OSBPL3: variants seen among roughly 807,000 people sequenced by gnomAD.
OSBPL3 encodes oxysterol binding protein like 3.
A neutral mutation model predicts 120.1 loss-of-function variants in OSBPL3; 65 were observed. The ratio of observed to expected loss-of-function variants is 0.54; its 90% confidence interval spans 0.44 to 0.67. The LOEUF (loss-of-function observed/expected upper bound fraction) is 0.67. Among genes scored for constraint, OSBPL3 ranks in the 30% least tolerant of loss-of-function variants. The pLI is 0.00. For synonymous variants in OSBPL3, 416 were observed against 402.6 expected (o/e 1.03, Z -0.40); for missense variants, 1,004 against 1,082.1 (o/e 0.93, Z 1.01).
At chr7:24,931,381 C>G (rs1221871152) in intron 1 of OSBPL3, among the ~76,000 whole-genome samples, 2 of 152,096 alleles carry the variant, frequency 1.3e-5, no homozygotes, top group African/African-American at 4.8e-5. Context: ...AGGGACTTCT[C>G]AGATATGATG....
At chr7:24,845,289 T>C (rs551979069) in intron 12 of OSBPL3, among the ~76,000 whole-genome samples, 2 of 148,820 alleles carry the variant, frequency 1.3e-5, no homozygotes, top group Non-Finnish European at 3.0e-5. Flanking sequence ...CTTGTAGAGA[T>C]GTTATTCTAG....
intron 1 of OSBPL3, among the ~76,000 whole-genome samples, chr7:24,977,336 G>C (rs1441169639): frequency 6.6e-6 from 1 of 152,130 alleles, no homozygotes; most frequent in Non-Finnish European, 1.5e-5. Flanking sequence ...CTTGATATCA[G>C]CACCAGAAAG....
At chr7:24,904,684 TC>T (rs1807597139) in intron 1 of OSBPL3, among the ~76,000 whole-genome samples, 1 of 151,744 alleles carries the variant, frequency 6.6e-6, no homozygotes, top group Non-Finnish European at 1.5e-5. Flanking sequence ...ACTAAAGAAA[TC>T]TTACAATGGG....
In OSBPL3 at chr7:24,865,347, G is replaced by C. The variant is rs1801157042; in HGVS notation, c.668C>G (p.Ser223Cys). 1 of 1,613,848 alleles carries C rather than the reference G, an allele frequency of 6.2e-7. No homozygotes were observed. The highest frequency in any genetic ancestry group is 8.5e-7 in the Non-Finnish European group (1 of 1,179,866). ...LQSSEDMEKCSKDLAHCHAYL... is the reference protein window; with the variant it reads ...LQSSEDMEKCCKDLAHCHAYL... ...GACGTTTCAAGTCACTCTACCTTTGGAGCATTTTTCCATGTCCTCTGAAGA... is the reference window on the plus strand; with the variant it reads ...GACGTTTCAAGTCACTCTACCTTTGCAGCATTTTTCCATGTCCTCTGAAGA... The change falls in exon 7 of 23, where the codon TCC becomes TGC. Residue 223 changes from serine (S) to cysteine (C), a missense_variant. This residue lies in a region of OSBPL3 where 4 missense variants were observed against 16.7 expected (regional missense o/e 0.24). Transcript: ENST00000313367.
chr7:24,979,438 A>G (rs1241956455), intron 1 of OSBPL3, among the ~76,000 whole-genome samples: 2 of 151,952 alleles, frequency 1.3e-5, no homozygotes, highest in Non-Finnish European at 2.9e-5. Flanking sequence ...CTGCCCCGCG[A>G]GCGTTGTCTC....
rs12538574 is a variant in OSBPL3, at chr7:24,955,096, T to C, written c.-150+24790A>G. 0.023 allele frequency among the ~76,000 whole-genome samples: 3,527 copies of C among 152,348 alleles called. 46 individuals carry two copies. Among genetic ancestry groups the C allele is most frequent in the Middle Eastern group, 0.048 (14 of 294 alleles). On this transcript the variant is annotated intron_variant, in intron 1 of 22. Transcript: ENST00000313367. The surrounding 1 kb of genome is among the most constrained non-coding windows in gnomAD (Gnocchi z 4.3). ...GGAGTTAGCCTTATCTCAAGTTTCA[T>C]GAAAGCAGGGATTTTCTTTTGTTCA... is the stretch of plus-strand genomic sequence containing the variant.
chr7:24,865,534 G>A, intron 6 of OSBPL3, 69 bp from the exon 7 acceptor site: 1 of 1,498,532 alleles, frequency 6.7e-7, no homozygotes, highest in Non-Finnish European at 9.2e-7. Context: ...TTAAGACAAA[G>A]GATAACAGAG....
intron 1 of OSBPL3, among the ~76,000 whole-genome samples, chr7:24,978,509 G>A (rs1291831987): frequency 1.3e-5 from 2 of 152,134 alleles, no homozygotes; most frequent in African/African-American, 4.8e-5. Flanking sequence ...AACAGCAAAC[G>A]GGTGATGTGG....
chr7:24,824,057 T>C lies in OSBPL3; in HGVS notation c.1885-3819A>G, dbSNP rs1437306744. Among the ~76,000 whole-genome samples, 1 of 152,182 alleles carries C rather than the reference T, an allele frequency of 6.6e-6. No homozygotes were observed. The highest frequency in any genetic ancestry group is 1.5e-5 in the Non-Finnish European group (1 of 68,042). On this transcript the variant is annotated intron_variant, in intron 16 of 22. Transcript: ENST00000313367. The surrounding 1 kb of genome is among the most constrained non-coding windows in gnomAD (Gnocchi z 4.9). ...GTTAGCCTGTTGAATAAACCCAATT[T>C]AGACTTTTTTTTTAAGCATTCTTCC...
chr7:24,816,589 A>G, intron 18 of OSBPL3, 21 bp downstream of exon 18: 1 of 1,572,528 alleles, frequency 6.4e-7, no homozygotes. Flanking sequence ...AAAGCTCCTT[A>G]ACCACAGAAG....
chr7:24,816,755 T>C, intron 17 of OSBPL3, 67 bp from the exon 18 acceptor site: 1 of 991,432 alleles, frequency 1.0e-6, no homozygotes, highest in East Asian at 2.4e-5. Context: ...GTTCCTAGGC[T>C]AGATAAATGA....
rs1369397390 is a variant in OSBPL3, at chr7:24,867,452, CT to C, written c.382-1216del. 3.9e-5 allele frequency among the ~76,000 whole-genome samples: 6 copies of C among 152,152 alleles called. No individual in the cohort carries two copies. The highest frequency in any genetic ancestry group is 1.4e-4 in the African/African-American group (6 of 41,434). On this transcript the variant is annotated intron_variant, in intron 5 of 22. Transcript: ENST00000313367. This position sits in a 1 kb window ranked among gnomAD's most constrained non-coding sequence, Gnocchi z 4.5. Reference sequence around the variant, plus strand: ...AATTCCCACATTTTGTGGGAGGGACCTGGTCAGTGAGAGGTAACTGGATCAT... The same window carrying C: ...AATTCCCACATTTTGTGGGAGGGACCGGTCAGTGAGAGGTAACTGGATCAT...
rs540430874 is a variant in OSBPL3, at chr7:24,800,413, G to A, written c.2568-134C>T. The A allele has an allele frequency of 9.4e-6, 5 of 529,746 alleles. No individual in the cohort carries two copies. In the Admixed American group the frequency reaches 1.0e-4, roughly 11 times the overall value. The allele number at this position is 529,746 out of a possible 1,614,324, so 32.8% of individuals were successfully genotyped here. On this transcript the variant is annotated intron_variant, in intron 22 of 22. Coordinates refer to ENST00000313367, the MANE Select transcript of OSBPL3 (RefSeq NM_015550.4). The stretch of plus-strand genomic sequence containing the variant: ...TTCAGCGTCCCAGAGTGTTGGGACC[G>A]GGAATTCTGGGAATTAGATGTCCAG...
chr7:24,945,771 T>C (rs1813653750), intron 1 of OSBPL3, among the ~76,000 whole-genome samples: 1 of 152,230 alleles, frequency 6.6e-6, no homozygotes, highest in Non-Finnish European at 1.5e-5. Context: ...TGTTCGTTCA[T>C]AAGAGGTTCG....
chr7:24,833,648 G>A lies in OSBPL3; in HGVS notation c.1746+838C>T, dbSNP rs968134185. 3.3e-5 allele frequency among the ~76,000 whole-genome samples: 5 copies of A among 152,132 alleles called. No individual in the cohort carries two copies. The highest frequency in any genetic ancestry group is 1.2e-4 in the African/African-American group (5 of 41,426). On this transcript the variant is annotated intron_variant, in intron 15 of 22. Coordinates refer to ENST00000313367, the MANE Select transcript of OSBPL3 (RefSeq NM_015550.4). The surrounding 1 kb of genome is among the most constrained non-coding windows in gnomAD (Gnocchi z 4.4). ...CCCAGGAGAGAGACTCTGCATCTGG[G>A]GGACACTGCTGTCCCAGCATCCCAT...
chr7:24,903,483 A>AG (rs1807374243), intron 1 of OSBPL3, among the ~76,000 whole-genome samples: 1 of 152,238 alleles, frequency 6.6e-6, no homozygotes, highest in Non-Finnish European at 1.5e-5. Context: ...AAGAAGGGAA[A>AG]GATAATTTCC....
At chr7:24,906,379 C>A in intron 1 of OSBPL3, 2 of 257,630 alleles carry the variant, frequency 7.8e-6, no homozygotes, top group Admixed American at 4.2e-5. Flanking sequence ...GATCATTGCC[C>A]CTGCTGGGGA....
At chr7:24,857,260 T>C (rs141369463) in intron 10 of OSBPL3, among the ~76,000 whole-genome samples, 2 of 152,360 alleles carry the variant, frequency 1.3e-5, no homozygotes, top group Non-Finnish European at 1.5e-5. Context: ...CCTTCACTTG[T>C]AGGAAAAGTG....
Position 24,965,590 on chromosome 7 carries a change from A to G in OSBPL3, c.-150+14296T>C, listed in dbSNP as rs1816278738. 6.6e-6 allele frequency among the ~76,000 whole-genome samples: 1 copy of G among 152,230 alleles called. No homozygotes were observed. The highest frequency in any genetic ancestry group is 2.1e-4 in the South Asian group (1 of 4,836). On this transcript the variant is annotated intron_variant, in intron 1 of 22. Transcript: ENST00000313367. This position sits in a 1 kb window ranked among gnomAD's most constrained non-coding sequence, Gnocchi z 4.3. ...AATGCTTGGATTTGCTAAGGGGTCC[A>G]TGAACCAGAGTCAGTATCTCCTAAT...
Sources: allele counts gnomAD v4.1 joint callset (sites outside exome capture counted in the v4.1 genomes callset), GRCh38; gene constraint gnomAD v4.1.1; regional missense constraint gnomAD v4.1.1; non-coding constraint Gnocchi (gnomAD v3.1); transcripts MANE v1.5; gene names NCBI Gene and HGNC (gene_info 2026-07-23, HGNC 2026-07-21).